Variants in NETO2 observed in about 807,000 individuals in gnomAD.
NETO2 encodes the protein neuropilin and tolloid like 2, also known as neuropilin and tolloid-like protein 2.
A neutral mutation model predicts 62.5 loss-of-function variants in NETO2; 28 were observed. The ratio of observed to expected loss-of-function variants is 0.45; its 90% CI spans 0.33 to 0.61. NETO2 has a LOEUF of 0.61. Ranked by LOEUF, NETO2 falls within the 20% of genes least tolerant of loss-of-function variation. NETO2 has a pLI of 0.02. For synonymous variants in NETO2, 214 were observed against 219.1 expected (o/e 0.98, Z 0.21); for missense variants, 548 against 643.2 (o/e 0.85, Z 1.60).
intron 7 of NETO2, among the ~76,000 whole-genome samples, chr16:47,088,620 A>G (rs1194770359): frequency 6.6e-6 from 1 of 151,958 alleles, no homozygotes; most frequent in African/African-American, 2.4e-5. Flanking sequence ...TTACTTGACT[A>G]ATGAGATTTT....
chr16:47,137,377 G>C (rs148300773), intron 1 of NETO2, among the ~76,000 whole-genome samples: 6 of 152,328 alleles, frequency 3.9e-5, no homozygotes, highest in African/African-American at 1.4e-4. Context: ...ACCACACTGT[G>C]AGTACCACTG....
intron 7 of NETO2, among the ~76,000 whole-genome samples, chr16:47,087,690 T>C (rs770962754): frequency 7.9e-5 from 12 of 152,228 alleles, no homozygotes; most frequent in Admixed American, 1.3e-4. Context: ...ATGGAATATA[T>C]ACCATGTAAT....
chr16:47,095,489 A>T (rs1329781898), intron 7 of NETO2, among the ~76,000 whole-genome samples: 1 of 152,232 alleles, frequency 6.6e-6, no homozygotes, highest in Non-Finnish European at 1.5e-5. Flanking sequence ...TGAAAGTAAA[A>T]GGATGGACAA....
chr16:47,119,605 T>C (rs1235241706), intron 6 of NETO2, among the ~76,000 whole-genome samples: 1 of 152,118 alleles, frequency 6.6e-6, no homozygotes, highest in African/African-American at 2.4e-5. Context: ...TCTTTGGATT[T>C]GTTTTTCTTT....
chr16:47,101,044 G>C (rs1054758368), intron 7 of NETO2, among the ~76,000 whole-genome samples: 1 of 152,226 alleles, frequency 6.6e-6, no homozygotes, highest in South Asian at 2.1e-4. Context: ...TCGATGTGAA[G>C]ATCCTCAATA....
chr16:47,122,564 CAATA>C, intron 6 of NETO2, 89 bp downstream of exon 6: 8 of 1,405,252 alleles, frequency 5.7e-6, no homozygotes, highest in South Asian at 2.8e-5. Flanking sequence ...TTTATGTAGT[CAATA>C]AATATTTACA....
rs1963071971 is a variant in NETO2 at position 47,082,051 on chromosome 16, A to G, written c.*1170T>C. 6.6e-6 allele frequency: 1 copy of G among 152,638 alleles called. No individual in the cohort carries two copies. Among genetic ancestry groups the G allele is most frequent in the Admixed American group, 6.5e-5 (1 of 15,282 alleles). 9.5% of individuals were successfully genotyped at this position (152,638 alleles called of 1,614,324 possible). On this transcript the variant is annotated 3_prime_UTR_variant, in exon 9 of 9. Coordinates refer to ENST00000562435, the MANE Select transcript of NETO2 (RefSeq NM_018092.5). ...CTTGATTTAATAAAGTTTGTACAGTATCAAATAATATCAAAAGTCTAAAAA... is the reference window on the plus strand; with the variant it reads ...CTTGATTTAATAAAGTTTGTACAGTGTCAAATAATATCAAAAGTCTAAAAA...
At chr16:47,141,468 A>C (rs1177192493) in intron 1 of NETO2, among the ~76,000 whole-genome samples, 1 of 151,948 alleles carries the variant, frequency 6.6e-6, no homozygotes, top group Non-Finnish European at 1.5e-5. Context: ...GGTAAAAAAA[A>C]AAAACAAAAA....
chr16:47,102,408 G>A (rs184853482), intron 7 of NETO2, among the ~76,000 whole-genome samples: 1 of 152,068 alleles, frequency 6.6e-6, no homozygotes, highest in Non-Finnish European at 1.5e-5. Context: ...AACACCAAAA[G>A]CAATGGCAAC....
intron 1 of NETO2, among the ~76,000 whole-genome samples, chr16:47,140,024 A>G (rs1217835959): frequency 6.6e-6 from 1 of 152,244 alleles, no homozygotes; most frequent in Admixed American, 6.5e-5. Context: ...TTTTGATTAG[A>G]AAGGACTGAA....
chr16:47,110,054 T>C (rs1471581218), intron 6 of NETO2, among the ~76,000 whole-genome samples: 1 of 152,228 alleles, frequency 6.6e-6, no homozygotes, highest in Non-Finnish European at 1.5e-5. Context: ...CTCATATTTC[T>C]ATTATTCCAA....
chr16:47,096,028 T>C (rs1250825891), intron 7 of NETO2, among the ~76,000 whole-genome samples: 1 of 152,156 alleles, frequency 6.6e-6, no homozygotes, highest in Non-Finnish European at 1.5e-5. Context: ...CACAAGTCTG[T>C]GTAAATTAAA....
intron 1 of NETO2, 31 bp downstream of exon 1, chr16:47,143,548 C>T: frequency 8.2e-7 from 1 of 1,221,870 alleles, no homozygotes. Flanking sequence ...CCGCAGGGGG[C>T]GCCGTCCGTG....
At chr16:47,112,259 C>G (rs1227792631) in intron 6 of NETO2, among the ~76,000 whole-genome samples, 1 of 151,998 alleles carries the variant, frequency 6.6e-6, no homozygotes, top group African/African-American at 2.4e-5. Context: ...TAAACATCAC[C>G]CATGAACTAG....
At chr16:47,091,463 T>C (rs116037052) in intron 7 of NETO2, among the ~76,000 whole-genome samples, 2,386 of 152,268 alleles carry the variant, frequency 0.016, 57 homozygotes, top group African/African-American at 0.055. Flanking sequence ...GAGTAAAAAA[T>C]GTGAGCAAGT....
intron 6 of NETO2, among the ~76,000 whole-genome samples, chr16:47,110,594 C>T (rs564747895): frequency 6.6e-6 from 1 of 152,082 alleles, no homozygotes; most frequent in Admixed American, 6.5e-5. Flanking sequence ...TACATACTCA[C>T]ACAGTGTTCC....
chr16:47,138,750 T>C (rs4386162), intron 1 of NETO2, among the ~76,000 whole-genome samples: 14,892 of 152,248 alleles, frequency 0.098, 1,468 homozygotes, highest in African/African-American at 0.25. Context: ...CTTAAAATCT[T>C]CCAGTAGAGT....
intron 7 of NETO2, among the ~76,000 whole-genome samples, chr16:47,087,334 A>G (rs1963215596): frequency 6.6e-6 from 1 of 152,154 alleles, no homozygotes; most frequent in African/African-American, 2.4e-5. Context: ...CTATAATTAC[A>G]TATTAATTAT....
At position 47,139,199 on chromosome 16, in the gene NETO2, T is replaced by C. The variant is rs1219956572; in HGVS notation, c.34+4380A>G. ...TACAGACACGATGAACACATGGGGG[T>C]GACTGAGCGCGACTCCAGTGCATCT... is the stretch of plus-strand genomic sequence containing the variant. On this transcript the variant is annotated intron_variant, in intron 1 of 8. Coordinates refer to ENST00000562435, the MANE Select transcript of NETO2 (RefSeq NM_018092.5). Among the ~76,000 whole-genome samples, 6 of 151,976 alleles carry C rather than the reference T, an allele frequency of 3.9e-5. No homozygotes were observed. In the South Asian group the frequency reaches 8.3e-4, roughly 21 times the overall value.
Sources: allele counts gnomAD v4.1 joint callset (sites outside exome capture counted in the v4.1 genomes callset), GRCh38; gene constraint gnomAD v4.1.1; transcripts MANE v1.5; gene names NCBI Gene and HGNC (gene_info 2026-07-23, HGNC 2026-07-21).